DNAJB12: variants seen among roughly 807,000 people sequenced by gnomAD.
DNAJB12 encodes dnaJ homolog subfamily B member 12.
DNAJB12 carries 14 observed loss-of-function variants against 40.6 expected under a neutral mutation model. The observed-to-expected ratio is 0.34, with a 90% CI of 0.23 to 0.54. The LOEUF is 0.54. Ranked by LOEUF, DNAJB12 falls within the 20% of genes least tolerant of loss-of-function variation. The probability of loss-of-function intolerance (pLI) is 0.92; values close to 1 mark genes in which losing one functional copy is unlikely to be tolerated. For missense variants in DNAJB12, 444 were observed against 501.7 expected, an observed-to-expected ratio of 0.89 and a Z score of 1.10; for synonymous variants, 181 against 199.5, an observed-to-expected ratio of 0.91 and a Z score of 0.78.
At chr10:72,347,712 A>G (rs1253275949) in intron 1 of DNAJB12, among the ~76,000 whole-genome samples, 3 of 152,028 alleles carry the variant, frequency 2.0e-5, no homozygotes, top group African/African-American at 2.4e-5. Flanking sequence ...TCAGGAGTTC[A>G]AGACCAGCCT....
At chr10:72,339,927 T>G (rs866447526) in intron 5 of DNAJB12, among the ~76,000 whole-genome samples, 1 of 150,628 alleles carries the variant, frequency 6.6e-6, no homozygotes, top group South Asian at 2.2e-4. Flanking sequence ...GCCAGACTGC[T>G]CTCAAACTCC....
intron 5 of DNAJB12, among the ~76,000 whole-genome samples, chr10:72,338,866 GCAAA>G (rs71967224): frequency 0.088 from 13,404 of 151,928 alleles, 1,332 homozygotes; most frequent in African/African-American, 0.25. Flanking sequence ...TGCAGAAAAA[GCAAA>G]CAAACAAAAA....
intron 1 of DNAJB12, 73 bp from the exon 2 acceptor site, chr10:72,345,200 T>C: frequency 6.5e-7 from 1 of 1,531,734 alleles, no homozygotes; most frequent in Non-Finnish European, 8.8e-7. Context: ...GGCCCGCTGC[T>C]TCCCACTCAC....
chr10:72,337,949 G>A (rs1202059363), intron 6 of DNAJB12, among the ~76,000 whole-genome samples: 2 of 152,192 alleles, frequency 1.3e-5, no homozygotes, highest in Non-Finnish European at 2.9e-5. Flanking sequence ...GTGTGTGTAT[G>A]TGTGTGTGCA....
At chr10:72,354,662 G>C in intron 1 of DNAJB12, 103 bp downstream of exon 1, 2 of 1,128,552 alleles carry the variant, frequency 1.8e-6, no homozygotes, top group Non-Finnish European at 2.5e-6. Context: ...GCGTAGCCGC[G>C]CCTCGCCACC....
chr10:72,346,122 T>C (rs1861780542), intron 1 of DNAJB12, among the ~76,000 whole-genome samples: 1 of 152,170 alleles, frequency 6.6e-6, no homozygotes, highest in Non-Finnish European at 1.5e-5. Flanking sequence ...CACTTGGTTT[T>C]ATTAATAAAC....
intron 1 of DNAJB12, among the ~76,000 whole-genome samples, chr10:72,346,304 C>T (rs1861785385): frequency 6.6e-6 from 1 of 151,996 alleles, no homozygotes; most frequent in Admixed American, 6.6e-5. Context: ...GCTGGTACTA[C>T]AGGCACGTGC....
intron 1 of DNAJB12, among the ~76,000 whole-genome samples, chr10:72,348,016 G>A (rs1451398145): frequency 6.6e-6 from 1 of 151,398 alleles, no homozygotes; most frequent in East Asian, 1.9e-4. Context: ...CTGAGGTCAG[G>A]AGTTTGAGAC....
In DNAJB12 at chr10:72,340,784, C is replaced by A. The variant is rs1348945121; in HGVS notation, c.723+5G>T. ...CGCGCTGTCCCTGGCGCCCTCCTCA[C>A]TCACATCACCCTGGTTGTCCCTGCG... is the stretch of plus-strand genomic sequence containing the variant. On this transcript the variant is annotated splice_donor_5th_base_variant and intron_variant, in intron 5 of 8. Coordinates refer to ENST00000444643, the MANE Select transcript of DNAJB12 (RefSeq NM_017626.7). 2 of 1,613,782 alleles carry A rather than the reference C, an allele frequency of 1.2e-6. No individual in the cohort carries two copies. The highest frequency in any genetic ancestry group is 1.7e-6 in the Non-Finnish European group (2 of 1,179,940).
chr10:72,354,667 G>A (rs954044249), intron 1 of DNAJB12, 98 bp downstream of exon 1: 23 of 1,185,698 alleles, frequency 1.9e-5, no homozygotes, highest in African/African-American at 3.1e-5. Context: ...GCCGCGCCTC[G>A]CCACCCCTCC....
rs773300453 is a variant in DNAJB12 at position 72,335,371 on chromosome 10, T to A, written c.*30+409A>T. On this transcript the variant is annotated intron_variant, in intron 8 of 8. Transcript: ENST00000444643. This position sits in a 1 kb window ranked among gnomAD's most constrained non-coding sequence, Gnocchi z 4.4. ...AGGCAGTGTGCATATGGGGCTCTCTTGGGCCCCACCATATGTGATGGCCTA... is the reference window on the plus strand; with the variant it reads ...AGGCAGTGTGCATATGGGGCTCTCTAGGGCCCCACCATATGTGATGGCCTA... 1.0e-6 allele frequency: 1 copy of A among 1,002,980 alleles called. No homozygotes were observed. Among genetic ancestry groups the A allele is most frequent in the African/African-American group, 1.7e-5 (1 of 57,676 alleles). The allele number at this position is 1,002,980 out of a possible 1,614,324, so 62.1% of individuals were successfully genotyped here. A position where few individuals can be genotyped will look rare whatever the true frequency, so the allele number is the denominator to read the frequency against.
chr10:72,337,961 A>C (rs1348512712), intron 6 of DNAJB12, among the ~76,000 whole-genome samples: 1 of 152,176 alleles, frequency 6.6e-6, no homozygotes, highest in African/African-American at 2.4e-5. Context: ...GTGTGTGCAC[A>C]TGTGTGCATA....
At chr10:72,337,787 T>C (rs1861518323) in intron 6 of DNAJB12, among the ~76,000 whole-genome samples, 1 of 151,996 alleles carries the variant, frequency 6.6e-6, no homozygotes, top group Admixed American at 6.6e-5. Flanking sequence ...GGAGCAGAGG[T>C]TCTTCGTCAG....
Position 72,334,385 on chromosome 10 carries a change from G to C in DNAJB12, c.*263C>G, listed in dbSNP as rs1175235955. On this transcript the variant is annotated 3_prime_UTR_variant, in exon 9 of 9. Transcript: ENST00000444643. ...GCCATGGTTTCTGTATCCTAGGAGA[G>C]AGGCGATGCGGAGCCTCCGCCAGCC... is the stretch of plus-strand genomic sequence containing the variant. 8 of 637,774 alleles carry C rather than the reference G, an allele frequency of 1.3e-5. No individual in the cohort carries two copies. The Admixed American group carries it at 2.0e-4, about 16-fold the overall frequency. 39.5% of individuals were successfully genotyped at this position (637,774 alleles called of 1,614,324 possible). A position where few individuals can be genotyped will look rare whatever the true frequency, so the allele number is the denominator to read the frequency against.
At chr10:72,351,734 T>C (rs760285487) in intron 1 of DNAJB12, among the ~76,000 whole-genome samples, 3 of 152,242 alleles carry the variant, frequency 2.0e-5, no homozygotes, top group African/African-American at 7.2e-5. Flanking sequence ...GGTCTATACT[T>C]TCCCACAGTG....
At chr10:72,336,486 C>G (rs1861476938) in intron 7 of DNAJB12, 38 bp downstream of exon 7, 1 of 1,596,462 alleles carries the variant, frequency 6.3e-7, no homozygotes, top group South Asian at 1.1e-5. Context: ...TCCCAAGCCA[C>G]CTCCCAAATA....
chr10:72,345,569 C>CAA (rs34465078), intron 1 of DNAJB12, among the ~76,000 whole-genome samples: 19 of 92,282 alleles, frequency 2.1e-4, no homozygotes, highest in African/African-American at 4.9e-4. Flanking sequence ...GACCCTGTCT[C>CAA]AAAAAAAAAA....
Position 72,335,260 on chromosome 10 carries a change from G to A in DNAJB12, c.*30+520C>T. ...CACCTCGTGGCTGCCTGTTCATCTT[G>A]CTCCATTTCCTCCTAGCTGGAGGGA... On this transcript the variant is annotated intron_variant, in intron 8 of 8. Transcript: ENST00000444643. The surrounding 1 kb of genome is among the most constrained non-coding windows in gnomAD (Gnocchi z 4.4). 1 of 986,910 alleles carries A rather than the reference G, an allele frequency of 1.0e-6. No homozygotes were observed. The highest frequency in any genetic ancestry group is 1.2e-6 in the Non-Finnish European group (1 of 830,610). The allele number at this position is 986,910 out of a possible 1,614,324, so 61.1% of individuals were successfully genotyped here. A position where few individuals can be genotyped will look rare whatever the true frequency, so the allele number is the denominator to read the frequency against.
At chr10:72,349,832 G>T (rs1196478611) in intron 1 of DNAJB12, among the ~76,000 whole-genome samples, 1 of 152,154 alleles carries the variant, frequency 6.6e-6, no homozygotes, top group African/African-American at 2.4e-5. Flanking sequence ...GAAGCTTTCT[G>T]CTTGAGTTGG....
Sources: gnomAD v4.1 joint callset for allele counts (sites outside exome capture counted in the v4.1 genomes callset) on GRCh38, gnomAD v4.1.1 for gene constraint, Gnocchi (gnomAD v3.1) non-coding constraint, MANE v1.5 for transcripts, NCBI Gene and HGNC (gene_info 2026-07-23, HGNC 2026-07-21) for gene names.